Variants in RBFOX1 observed in about 807,000 individuals in gnomAD.
RBFOX1 encodes RNA binding protein fox-1 homolog 1.
In RBFOX1, 8 loss-of-function variants were observed where a neutral mutation model predicts 57.7. That is an observed-to-expected ratio of 0.14 (90% CI 0.08 to 0.25). The LOEUF is 0.25. Among genes scored for constraint, RBFOX1 ranks in the 10% least tolerant of loss-of-function variants. The probability of loss-of-function intolerance (pLI) is 1.00; values close to 1 mark genes in which losing one functional copy is unlikely to be tolerated. For synonymous variants in RBFOX1, 326 were observed against 222.4 expected (o/e 1.47, Z -4.15); for missense variants, 611 against 548.5 (o/e 1.11, Z -1.14).
intron 11 of RBFOX1, among the ~76,000 whole-genome samples, chr16:7,645,554 A>T (rs958017064): frequency 1.3e-5 from 2 of 152,238 alleles, no homozygotes; most frequent in Admixed American, 6.5e-5. Context: ...TTAAAGAAAC[A>T]AATGAGCAGA....
rs188417811 is a variant in RBFOX1 at position 6,843,184 on chromosome 16, A to T, written c.-16+188534A>T. Among the ~76,000 whole-genome samples, 547 of 152,246 alleles carry T rather than the reference A, an allele frequency of 3.6e-3. 11 individuals are homozygous for T. Among genetic ancestry groups the T allele is most frequent in the Admixed American group, 3.0e-3 (46 of 15,284 alleles). On this transcript the variant is annotated intron_variant, in intron 3 of 15. Transcript: ENST00000550418. ...TTCTCTGAGCAAAGTTTTCTATTAG[A>T]GTGGATGTCTCTTGGGTTTAAAGAA...
intron 3 of RBFOX1, among the ~76,000 whole-genome samples, chr16:5,771,400 G>GTTTGTTTTGT (rs376158986): frequency 6.6e-6 from 1 of 152,132 alleles, no homozygotes; most frequent in African/African-American, 2.4e-5. Flanking sequence ...ATTTCATTGT[G>GTTTGTTTTGT]TTTGTTTTGT....
intron 1 of RBFOX1, among the ~76,000 whole-genome samples, chr16:6,201,579 A>G (rs548445962): frequency 3.5e-4 from 54 of 152,246 alleles, no homozygotes; most frequent in African/African-American, 1.3e-3. Flanking sequence ...CAGTTGATAG[A>G]ATGAATGAGG....
intron 1 of RBFOX1, among the ~76,000 whole-genome samples, chr16:6,125,160 C>T (rs1208328926): frequency 6.6e-6 from 1 of 152,208 alleles, no homozygotes; most frequent in Non-Finnish European, 1.5e-5. Context: ...CATTGTGCAG[C>T]TCCCTGTGCA....
At chr16:5,835,958 A>T (rs1185020274) in intron 3 of RBFOX1, among the ~76,000 whole-genome samples, 7 of 152,042 alleles carry the variant, frequency 4.6e-5, no homozygotes, top group African/African-American at 1.2e-4. Flanking sequence ...GAAGTTGGGG[A>T]AGAGGAAGAA....
chr16:6,839,386 T>C (rs1294380614), intron 3 of RBFOX1, among the ~76,000 whole-genome samples: 1 of 152,242 alleles, frequency 6.6e-6, no homozygotes, highest in Admixed American at 6.5e-5. Flanking sequence ...GGTTAGGTTG[T>C]CAGCTGCGTC....
At chr16:6,079,678 A>T (rs762524466) in intron 1 of RBFOX1, among the ~76,000 whole-genome samples, 5 of 152,090 alleles carry the variant, frequency 3.3e-5, no homozygotes, top group African/African-American at 4.8e-5. Context: ...CTACAAAAAA[A>T]TAAATAAGTT....
chr16:5,837,468 A>C (rs548679911), intron 3 of RBFOX1, among the ~76,000 whole-genome samples: 3 of 152,062 alleles, frequency 2.0e-5, no homozygotes, highest in South Asian at 4.2e-4. Context: ...TCAGAATTGC[A>C]ACGACTCTCA....
rs535557765 is a variant in RBFOX1 at position 6,088,520 on chromosome 16, C to A, written c.-127+68528C>A. On this transcript the variant is annotated intron_variant, in intron 1 of 15. Coordinates refer to ENST00000550418, the MANE Select transcript of RBFOX1 (RefSeq NM_018723.4). The stretch of plus-strand genomic sequence containing the variant: ...CCCTCCCTTCCTTCCTCCCCCTTCC[C>A]TTTCCTTTTCTCCTTCCTTCCTTCC... Among the ~76,000 whole-genome samples, 49 of 115,770 alleles carry A rather than the reference C, an allele frequency of 4.2e-4. 2 individuals carry two copies. The South Asian group carries it at 0.015, about 35-fold the overall frequency. The allele number at this position is 115,770 out of a possible 152,430, so 75.9% of individuals were successfully genotyped here. A position where few individuals can be genotyped will look rare whatever the true frequency, so the allele number is the denominator to read the frequency against.
At chr16:5,744,435 C>A (rs1054640127) in intron 3 of RBFOX1, among the ~76,000 whole-genome samples, 13 of 152,184 alleles carry the variant, frequency 8.5e-5, no homozygotes, top group African/African-American at 3.1e-4. Context: ...TTCTTTTCCG[C>A]TTCCAAATAG....
chr16:6,175,650 G>A (rs13333696), intron 1 of RBFOX1, among the ~76,000 whole-genome samples: 4,687 of 152,218 alleles, frequency 0.031, 242 homozygotes, highest in African/African-American at 0.11. Flanking sequence ...AGTGCATATA[G>A]GGATCTGAGT....
intron 3 of RBFOX1, among the ~76,000 whole-genome samples, chr16:5,642,271 G>C (rs1016595408): frequency 6.6e-6 from 1 of 152,170 alleles, no homozygotes; most frequent in South Asian, 2.1e-4. Flanking sequence ...TCAAACTTGG[G>C]GCTGTTTATA....
intron 3 of RBFOX1, among the ~76,000 whole-genome samples, chr16:7,017,434 C>T (rs565305381): frequency 6.6e-6 from 1 of 152,138 alleles, no homozygotes; most frequent in Non-Finnish European, 1.5e-5. Flanking sequence ...AATCTTGGCC[C>T]CAAACCTTAG....
intron 1 of RBFOX1, among the ~76,000 whole-genome samples, chr16:6,131,181 C>G (rs989128311): frequency 3.9e-5 from 6 of 152,180 alleles, no homozygotes; most frequent in Admixed American, 3.9e-4. Context: ...CAGAGGACTA[C>G]CTAGTGTGAT....
chr16:6,820,517 G>T (rs745433501), intron 3 of RBFOX1, among the ~76,000 whole-genome samples: 7 of 152,036 alleles, frequency 4.6e-5, no homozygotes, highest in Non-Finnish European at 1.0e-4. Flanking sequence ...AAAGTAACTG[G>T]GTATGGTGGC....
At chr16:7,360,796 T>C (rs545103418) in intron 4 of RBFOX1, among the ~76,000 whole-genome samples, 4 of 152,316 alleles carry the variant, frequency 2.6e-5, no homozygotes, top group African/African-American at 9.6e-5. Context: ...ACTTTGCCTT[T>C]CTTCACACAG....
intron 3 of RBFOX1, among the ~76,000 whole-genome samples, chr16:6,744,641 C>G (rs916055809): frequency 6.6e-6 from 1 of 151,876 alleles, no homozygotes; most frequent in African/African-American, 2.4e-5. Flanking sequence ...AAACAGTGAC[C>G]TGAACAAAAA....
At chr16:6,517,207 G>A (rs576544206) in intron 2 of RBFOX1, among the ~76,000 whole-genome samples, 3 of 152,102 alleles carry the variant, frequency 2.0e-5, no homozygotes, top group African/African-American at 4.8e-5. Context: ...ATGGAAGGGC[G>A]TGATGATATA....
chr16:7,680,284 G>C (rs1444888356), intron 14 of RBFOX1, among the ~76,000 whole-genome samples: 1 of 152,154 alleles, frequency 6.6e-6, no homozygotes, highest in Non-Finnish European at 1.5e-5. Context: ...CGGAGGGGGT[G>C]GAAAAGATTC....
Sources: gnomAD v4.1 joint callset for allele counts (sites outside exome capture counted in the v4.1 genomes callset) on GRCh38, gnomAD v4.1.1 for gene constraint, MANE v1.5 for transcripts, NCBI Gene and HGNC (gene_info 2026-07-23, HGNC 2026-07-21) for gene names.